Variants in EGFLAM observed in about 807,000 individuals in gnomAD.
EGFLAM encodes EGF like, fibronectin type III and laminin G domains.
In EGFLAM, 79 loss-of-function variants were observed where a neutral mutation model predicts 113.1. The ratio of observed to expected loss-of-function variants is 0.70; its 90% CI spans 0.58 to 0.84. The LOEUF is 0.84. EGFLAM is among the 40% of genes least tolerant of loss of function. The pLI, the probability that EGFLAM is intolerant of heterozygous loss-of-function variation, is 0.00. For synonymous variants in EGFLAM, 504 were observed against 487.6 expected (o/e 1.03, Z -0.44); for missense variants, 1,265 against 1,291.6 (o/e 0.98, Z 0.32).
chr5:38,366,621 C>T (rs1171662508), intron 5 of EGFLAM, among the ~76,000 whole-genome samples: 1 of 152,158 alleles, frequency 6.6e-6, no homozygotes, highest in Non-Finnish European at 1.5e-5. Context: ...AGAATTAAAA[C>T]AGAAAGGTAT....
intron 1 of EGFLAM, among the ~76,000 whole-genome samples, chr5:38,330,201 CCAATATTCTGGATGT>C (rs569291331): frequency 0.034 from 5,138 of 152,156 alleles, 101 homozygotes; most frequent in Admixed American, 0.049. Flanking sequence ...TATCTTGTAG[CCAATATTCTGGATGT>C]CAATATTCTG....
intron 1 of EGFLAM, among the ~76,000 whole-genome samples, chr5:38,275,594 G>A (rs1326994367): frequency 6.6e-6 from 1 of 152,196 alleles, no homozygotes; most frequent in Non-Finnish European, 1.5e-5. Context: ...GAACTGAAGG[G>A]AGAGATAGAT....
intron 6 of EGFLAM, chr5:38,401,690 G>A (rs1741118606): frequency 6.6e-6 from 1 of 152,192 alleles, no homozygotes; most frequent in Admixed American, 6.5e-5. Flanking sequence ...AGTACATGAA[G>A]TGTTAGTGAC....
At chr5:38,452,812 C>T (rs1046347343) in intron 19 of EGFLAM, among the ~76,000 whole-genome samples, 10 of 152,160 alleles carry the variant, frequency 6.6e-5, no homozygotes, top group African/African-American at 2.2e-4. Context: ...GAAGTTCTTC[C>T]CTCTTTTAAG....
intron 20 of EGFLAM, chr5:38,461,085 A>G (rs1743255642): frequency 6.6e-6 from 1 of 152,228 alleles, no homozygotes; most frequent in Non-Finnish European, 1.5e-5. Flanking sequence ...ACCAGTCTTT[A>G]TAGAGCAAGA....
intron 12 of EGFLAM, 124 bp downstream of exon 12, chr5:38,418,379 C>T: frequency 8.1e-7 from 1 of 1,240,048 alleles, no homozygotes; most frequent in Non-Finnish European, 1.1e-6. Flanking sequence ...CTGGTACCTT[C>T]AGAACATCAG....
intron 1 of EGFLAM, among the ~76,000 whole-genome samples, chr5:38,308,941 G>A (rs1758795832): frequency 6.6e-6 from 1 of 152,182 alleles, no homozygotes; most frequent in Admixed American, 6.5e-5. Context: ...CTGAAATGTT[G>A]TGTTGGTAGC....
chr5:38,459,474 C>T (rs1174964248), intron 20 of EGFLAM, among the ~76,000 whole-genome samples: 1 of 152,132 alleles, frequency 6.6e-6, no homozygotes, highest in African/African-American at 2.4e-5. Flanking sequence ...CTATTAATAC[C>T]TTTGTCCATA....
chr5:38,426,870 C>T, intron 13 of EGFLAM, 139 bp from the exon 14 acceptor site: 1 of 1,318,494 alleles, frequency 7.6e-7, no homozygotes, highest in Non-Finnish European at 1.0e-6. Flanking sequence ...AGAATTCAGT[C>T]ACACCACCAA....
At chr5:38,335,733 T>G (rs924132435) in intron 1 of EGFLAM, among the ~76,000 whole-genome samples, 5 of 152,202 alleles carry the variant, frequency 3.3e-5, no homozygotes, top group African/African-American at 1.2e-4. Flanking sequence ...TGGTTCCTGC[T>G]GACAGCACTG....
intron 19 of EGFLAM, among the ~76,000 whole-genome samples, chr5:38,454,006 T>C (rs1743004761): frequency 6.6e-6 from 1 of 152,224 alleles, no homozygotes; most frequent in African/African-American, 2.4e-5. Context: ...CCTCTGTTTT[T>C]CTTCCAATCC....
At chr5:38,404,985 G>A (rs1187130417) in intron 6 of EGFLAM, among the ~76,000 whole-genome samples, 5 of 152,170 alleles carry the variant, frequency 3.3e-5, no homozygotes, top group Non-Finnish European at 7.3e-5. Flanking sequence ...ATGATGCTCT[G>A]TATTGACGTC....
Position 38,338,773 on chromosome 5 carries a change from C to A in EGFLAM, c.283C>A (p.Pro95Thr). Reference sequence around the variant, plus strand: ...CAGCGTGCCTCTCAGCCGGGACATCCCGACCACGGTGAGTCTTTCCATCCT... The same window carrying A: ...CAGCGTGCCTCTCAGCCGGGACATCACGACCACGGTGAGTCTTTCCATCCT... ...LHSVPLSRDIPTTEEVIGDLK... is the reference protein window; with the variant it reads ...LHSVPLSRDITTTEEVIGDLK... Residue 95 changes from proline to threonine, a missense_variant, in exon 3 of 22, where the codon CCG becomes ACG. Transcript: ENST00000322350. 1 of 1,614,188 alleles carries A rather than the reference C, an allele frequency of 6.2e-7. No individual in the cohort carries two copies. Among genetic ancestry groups the A allele is most frequent in the Non-Finnish European group, 8.5e-7 (1 of 1,180,020 alleles).
intron 6 of EGFLAM, chr5:38,403,823 C>A: frequency 6.2e-7 from 1 of 1,613,540 alleles, no homozygotes; most frequent in Non-Finnish European, 8.5e-7. Context: ...TCCTCAAGGG[C>A]CTTTTGTGTG....
intron 3 of EGFLAM, among the ~76,000 whole-genome samples, chr5:38,342,144 T>C (rs1739354851): frequency 1.3e-5 from 2 of 152,316 alleles, no homozygotes; most frequent in Non-Finnish European, 1.5e-5. Context: ...GACAGCTGAA[T>C]CTACAAGGTG....
At position 38,462,924 on chromosome 5, in the gene EGFLAM, A is replaced by G. The variant is rs764833723; in HGVS notation, c.2788A>G (p.Lys930Glu). ...GTTTTGCAGGGATGGCCAGTCAGGA[A>G]AGATAACCGTGGATGACTATGGAGC... ...VKAVRDGQSG[K>E]ITVDDYGART... is the part of the protein sequence containing the mutation. The change falls in exon 21 of 22, where the codon AAG (lysine) becomes GAG (glutamate). Residue 930 changes from lysine to glutamate, a missense_variant. Coordinates refer to ENST00000322350, the MANE Select transcript of EGFLAM (RefSeq NM_152403.4). 1 of 1,614,192 alleles carries G rather than the reference A, an allele frequency of 6.2e-7. No homozygotes were observed. The highest frequency in any genetic ancestry group is 1.1e-5 in the South Asian group (1 of 91,080).
In EGFLAM at chr5:38,438,292, A is replaced by C; in HGVS notation, c.2301A>C (p.Arg767=). 6.2e-7 allele frequency: 1 copy of C among 1,613,446 alleles called. No individual in the cohort carries two copies. Among genetic ancestry groups the C allele is most frequent in the Non-Finnish European group, 8.5e-7 (1 of 1,179,602 alleles). The change falls in exon 17 of 22, where the codon CGA becomes CGC. Residue 767 remains arginine, a synonymous_variant. Coordinates refer to ENST00000322350, the MANE Select transcript of EGFLAM (RefSeq NM_152403.4). ...CTCTCAAGATCATCCTGAATGACCG[A>C]ACCATCCATGTGAAGCATGACTTCA... The part of the protein sequence containing the change: ...GSIQKIILND[R]TIHVKHDFTS...
At chr5:38,424,705 G>A (rs1741939850) in intron 12 of EGFLAM, among the ~76,000 whole-genome samples, 1 of 152,208 alleles carries the variant, frequency 6.6e-6, no homozygotes, top group African/African-American at 2.4e-5. Flanking sequence ...GCCCAGAAAT[G>A]TATTATTTGA....
intron 11 of EGFLAM, among the ~76,000 whole-genome samples, chr5:38,416,480 C>T (rs1254135647): frequency 6.6e-6 from 1 of 152,194 alleles, no homozygotes; most frequent in East Asian, 1.9e-4. Context: ...TTCCAGGGCA[C>T]TTCCATTTCT....
Sources: allele counts gnomAD v4.1 joint callset (sites outside exome capture counted in the v4.1 genomes callset), GRCh38; gene constraint gnomAD v4.1.1; transcripts MANE v1.5; gene names NCBI Gene and HGNC (gene_info 2026-07-23, HGNC 2026-07-21).